Variants in CPSF6 observed in about 807,000 individuals in gnomAD.
CPSF6 encodes the protein cleavage and polyadenylation specific factor 6, also known as cleavage and polyadenylation specificity factor subunit 6.
CPSF6 carries 10 observed loss-of-function variants against 56.7 expected under a neutral mutation model. The observed-to-expected ratio is 0.18, with a 90% CI of 0.11 to 0.30. CPSF6 has a LOEUF of 0.30. CPSF6 is among the 10% of genes least tolerant of loss of function. The pLI is 1.00. For synonymous variants in CPSF6, 248 were observed against 244.8 expected, an observed-to-expected ratio of 1.01 and a Z score of -0.12; for missense variants, 419 against 722.9, an observed-to-expected ratio of 0.58 and a Z score of 4.82.
rs1162057373 is a variant in CPSF6 at position 69,258,096 on chromosome 12, A to T, written c.694+191A>T. On this transcript the variant is annotated intron_variant, in intron 5 of 9. Transcript: ENST00000435070. This position sits in a 1 kb window ranked among gnomAD's most constrained non-coding sequence, Gnocchi z 4.2. ...CTTTGTTCCTGGAAACTAGGATTCC[A>T]TGGCATATGGGGCACAGCATAGAGG... 6 of 1,536,652 alleles carry T rather than the reference A, an allele frequency of 3.9e-6. No homozygotes were observed. Among genetic ancestry groups the T allele is most frequent in the Non-Finnish European group, 5.2e-6 (6 of 1,146,860 alleles).
At position 69,246,816 on chromosome 12, in the gene CPSF6, A is replaced by G. The variant is rs548612884; in HGVS notation, c.61-4313A>G. ...TACTGATAGTATCATATAATGCACGAATTTTGTATGTATTTATGTATTTTT... is the reference window on the plus strand; with the variant it reads ...TACTGATAGTATCATATAATGCACGGATTTTGTATGTATTTATGTATTTTT... On this transcript the variant is annotated intron_variant, in intron 1 of 9. Transcript: ENST00000435070. 2.0e-5 allele frequency among the ~76,000 whole-genome samples: 3 copies of G among 152,234 alleles called. No homozygotes were observed. In the South Asian group the frequency reaches 6.2e-4, roughly 32 times the overall value.
intron 7 of CPSF6, 60 bp downstream of exon 7, chr12:69,259,603 G>T: frequency 7.1e-7 from 1 of 1,405,044 alleles, no homozygotes; most frequent in East Asian, 2.4e-5. Context: ...ACCTAAAAAT[G>T]TAAGTACAAT....
intron 1 of CPSF6, among the ~76,000 whole-genome samples, chr12:69,240,244 G>T (rs542325515): frequency 2.0e-4 from 30 of 152,238 alleles, no homozygotes; most frequent in African/African-American, 6.5e-4. Flanking sequence ...CCGCGTTCAC[G>T]GCCCTTTGTA....
chr12:69,242,517 G>C (rs1194050746), intron 1 of CPSF6, among the ~76,000 whole-genome samples: 1 of 152,138 alleles, frequency 6.6e-6, no homozygotes, highest in Non-Finnish European at 1.5e-5. Flanking sequence ...TCTTCACCAG[G>C]TGAACTTAAG....
In CPSF6 at chr12:69,248,816, T is replaced by C. The variant is rs574935706; in HGVS notation, c.61-2313T>C. On this transcript the variant is annotated intron_variant, in intron 1 of 9. Transcript: ENST00000435070. The stretch of plus-strand genomic sequence containing the variant: ...TACCTCGTAACAAGTAAAATTGGTA[T>C]GTAAAGATTCTGTAACTAGTAAATT... Among the ~76,000 whole-genome samples the C allele has an allele frequency of 2.6e-5, 4 of 152,268 alleles. No individual in the cohort carries two copies. The East Asian group carries it at 5.8e-4, about 22-fold the overall frequency.
intron 3 of CPSF6, among the ~76,000 whole-genome samples, chr12:69,253,971 TTA>T (rs1872378384): frequency 6.6e-6 from 1 of 152,218 alleles, no homozygotes. Context: ...TTCTTATTTC[TTA>T]TATTGCTTAC....
Position 69,258,858 on chromosome 12 carries a change from C to A in CPSF6, c.963C>A (p.Gly321=). 1 of 1,614,064 alleles carries A rather than the reference C, an allele frequency of 6.2e-7. No individual in the cohort carries two copies. Among genetic ancestry groups the A allele is most frequent in the South Asian group, 1.1e-5 (1 of 91,078 alleles). The change falls in exon 6 of 10, where the codon GGC becomes GGA. Residue 321 remains glycine, a synonymous_variant. Coordinates refer to ENST00000435070, the MANE Select transcript of CPSF6 (RefSeq NM_007007.3). This position sits in a 1 kb window ranked among gnomAD's most constrained non-coding sequence, Gnocchi z 4.2. The part of the protein sequence containing the change: ...PPQQGPPPPP[G]PFPPRPPGPL... The stretch of plus-strand genomic sequence containing the variant: ...AACAGGGACCACCTCCACCTCCAGG[C>A]CCCTTTCCACCTCGTCCACCCGGTC...
intron 1 of CPSF6, among the ~76,000 whole-genome samples, chr12:69,242,917 T>C (rs994300472): frequency 6.6e-6 from 1 of 152,108 alleles, no homozygotes; most frequent in Non-Finnish European, 1.5e-5. Flanking sequence ...CAGACCAGCC[T>C]GGCCAACATG....
At chr12:69,254,671 T>G (rs1038783857) in intron 3 of CPSF6, among the ~76,000 whole-genome samples, 2 of 152,168 alleles carry the variant, frequency 1.3e-5, no homozygotes, top group African/African-American at 4.8e-5. Flanking sequence ...TTAAATTAAT[T>G]TAGTTTTTTC....
At chr12:69,243,434 CAT>C (rs1408160176) in intron 1 of CPSF6, among the ~76,000 whole-genome samples, 2 of 152,184 alleles carry the variant, frequency 1.3e-5, no homozygotes, top group Non-Finnish European at 2.9e-5. Context: ...CATTTGTGAT[CAT>C]AGAGTGCTTT....
chr12:69,261,532 T>C (rs748376135), intron 8 of CPSF6, among the ~76,000 whole-genome samples: 5 of 152,072 alleles, frequency 3.3e-5, no homozygotes, highest in African/African-American at 9.7e-5. Flanking sequence ...GTCCCTGCAC[T>C]CCAGCCTGGG....
intron 9 of CPSF6, among the ~76,000 whole-genome samples, chr12:69,265,457 T>A (rs909745067): frequency 6.6e-6 from 1 of 152,150 alleles, no homozygotes; most frequent in Non-Finnish European, 1.5e-5. Flanking sequence ...GAAACCAAAT[T>A]ATGTTTTTTT....
At chr12:69,263,070 A>G (rs914481451) in intron 9 of CPSF6, among the ~76,000 whole-genome samples, 1 of 137,754 alleles carries the variant, frequency 7.3e-6, no homozygotes, top group East Asian at 2.1e-4. Context: ...CTCAACATTC[A>G]AAGAGAATTT....
chr12:69,250,304 G>A (rs1230560039), intron 1 of CPSF6, among the ~76,000 whole-genome samples: 1 of 151,712 alleles, frequency 6.6e-6, no homozygotes, highest in African/African-American at 2.4e-5. Context: ...TCTACTGTCA[G>A]TTTAAAAAAA....
chr12:69,264,090 T>A (rs1872866444), intron 9 of CPSF6, among the ~76,000 whole-genome samples: 1 of 152,072 alleles, frequency 6.6e-6, no homozygotes, highest in South Asian at 2.1e-4. Context: ...TTTTTTCCCC[T>A]GAGTTAAATA....
intron 3 of CPSF6, among the ~76,000 whole-genome samples, chr12:69,255,810 T>G (rs1032967555): frequency 6.6e-6 from 1 of 152,216 alleles, no homozygotes; most frequent in Non-Finnish European, 1.5e-5. Context: ...GTGCTGAGAT[T>G]ATAGGCGTGA....
chr12:69,253,875 C>T (rs1334349452), intron 3 of CPSF6, among the ~76,000 whole-genome samples: 1 of 152,064 alleles, frequency 6.6e-6, no homozygotes, highest in African/African-American at 2.4e-5. Flanking sequence ...AATGTTGCAG[C>T]AGACATCATT....
intron 2 of CPSF6, chr12:69,251,960 A>G (rs577701149): frequency 4.5e-6 from 2 of 448,470 alleles, no homozygotes; most frequent in African/African-American, 2.0e-5. Context: ...TTGTATTTCT[A>G]CTTAGTTATA....
intron 6 of CPSF6, 54 bp from the exon 7 acceptor site, chr12:69,259,374 C>G: frequency 6.3e-7 from 1 of 1,580,976 alleles, no homozygotes; most frequent in East Asian, 2.2e-5. Flanking sequence ...ACTGTTGTGA[C>G]TAACTGAGGA....
Sources: gnomAD v4.1 joint callset for allele counts (sites outside exome capture counted in the v4.1 genomes callset) on GRCh38, gnomAD v4.1.1 for gene constraint, Gnocchi (gnomAD v3.1) non-coding constraint, MANE v1.5 for transcripts, NCBI Gene and HGNC (gene_info 2026-07-23, HGNC 2026-07-21) for gene names.